SEMA3D: variants seen among roughly 807,000 people sequenced by gnomAD.
The protein encoded by SEMA3D is semaphorin 3D, also known as semaphorin-3D.
Under a neutral mutation model 100.1 loss-of-function variants are expected in SEMA3D, and 84 were observed. The observed-to-expected ratio is 0.84, with a 90% CI of 0.70 to 1.01. The LOEUF (loss-of-function observed/expected upper bound fraction) is 1.01, where lower values mean the gene tolerates loss of function less well. Ranked by LOEUF, SEMA3D falls within the 50% of genes least tolerant of loss-of-function variation. The probability of loss-of-function intolerance (pLI) is 0.00; values close to 1 mark genes in which losing one functional copy is unlikely to be tolerated. For synonymous variants in SEMA3D, 312 were observed against 320.7 expected (o/e 0.97, Z 0.29); for missense variants, 875 against 934.1 (o/e 0.94, Z 0.82).
At chr7:85,028,364 G>A (rs1790449487) in intron 12 of SEMA3D, 3 of 546,170 alleles carry the variant, frequency 5.5e-6, no homozygotes, top group Non-Finnish European at 9.7e-6. Flanking sequence ...AATTGTCGCT[G>A]CTATTGCTTA....
At chr7:85,233,206 AG>A in the SEMA3D span, among the ~76,000 whole-genome samples, 1 of 152,156 alleles carries the variant, frequency 6.6e-6, no homozygotes, top group African/African-American at 2.4e-5. Context: ...CTTCAATGCC[AG>A]GTGAAATGGT....
Position 85,108,183 on chromosome 7 carries a change from G to A in SEMA3D, c.152-10218C>T, listed in dbSNP as rs924210443. ...ATTTTGTCCCTTAAAAACACTAGAA[G>A]CCCTTGAAGATAAAAATAATGTCTA... On this transcript the variant is annotated intron_variant, in intron 3 of 18. Coordinates refer to ENST00000284136, the MANE Select transcript of SEMA3D (RefSeq NM_001384900.1). Among the ~76,000 whole-genome samples the A allele has an allele frequency of 2.6e-5, 4 of 152,022 alleles. 1 individual carries two copies. Among genetic ancestry groups the A allele is most frequent in the African/African-American group, 9.6e-5 (4 of 41,518 alleles).
intron 11 of SEMA3D, among the ~76,000 whole-genome samples, chr7:85,039,969 CTTTT>C (rs776990536): frequency 2.2e-5 from 2 of 90,628 alleles, no homozygotes; most frequent in East Asian, 3.0e-4. Flanking sequence ...TACGCAAACA[CTTTT>C]TTTTTTTTTT....
rs146009160 is a variant in SEMA3D at position 85,040,730 on chromosome 7, A to G, written c.989T>C (p.Leu330Ser). ...ATTTCTTTCATCTCTTGTGGGGAGT[A>G]AATAAATATCTTCTATTAAAGGGGA... ...TYFDELQDIY[L>S]LPTRDERNPV... The change falls in exon 11 of 19, where the codon TTA becomes TCA. Residue 330 changes from leucine (L) to serine (S), a missense_variant. Transcript: ENST00000284136. 54 of 1,388,898 alleles carry G rather than the reference A, an allele frequency of 3.9e-5. No homozygotes were observed. The African/African-American group carries it at 7.1e-4, about 18-fold the overall frequency. 86.0% of individuals were successfully genotyped at this position (1,388,898 alleles called of 1,614,324 possible). A position where few individuals can be genotyped will look rare whatever the true frequency, so the allele number is the denominator to read the frequency against.
the SEMA3D span, among the ~76,000 whole-genome samples, chr7:85,203,067 G>A: frequency 2.0e-5 from 3 of 152,232 alleles, no homozygotes; most frequent in African/African-American, 7.2e-5. Context: ...GTTGGAAGTA[G>A]ATGATTTGTC....
chr7:85,054,051 G>A (rs1002979147), intron 9 of SEMA3D, among the ~76,000 whole-genome samples: 1 of 151,618 alleles, frequency 6.6e-6, no homozygotes, highest in African/African-American at 2.4e-5. Flanking sequence ...TTAGAGAATA[G>A]GTTATAATTT....
At chr7:85,240,017 C>T in the SEMA3D span, among the ~76,000 whole-genome samples, 8 of 151,948 alleles carry the variant, frequency 5.3e-5, no homozygotes. Flanking sequence ...TTTTCTTATC[C>T]TATTTGATTA....
At chr7:85,222,285 T>C in the SEMA3D span, among the ~76,000 whole-genome samples, 2 of 148,292 alleles carry the variant, frequency 1.3e-5, no homozygotes, top group African/African-American at 5.3e-5. Flanking sequence ...ATTTTGCATT[T>C]AAATTTCAAA....
intron 9 of SEMA3D, among the ~76,000 whole-genome samples, 174 bp downstream of exon 9, chr7:85,055,542 AT>A (rs1412686815): frequency 4.7e-5 from 7 of 147,772 alleles, no homozygotes; most frequent in Non-Finnish European, 7.5e-5. Flanking sequence ...TATTTTTTAC[AT>A]TTGGATCTCA....
intron 12 of SEMA3D, among the ~76,000 whole-genome samples, chr7:85,030,146 T>C (rs1440647788): frequency 6.6e-6 from 1 of 151,862 alleles, no homozygotes; most frequent in Admixed American, 6.6e-5. Flanking sequence ...TGTTTCAAAT[T>C]TTTGAACCAA....
intron 4 of SEMA3D, among the ~76,000 whole-genome samples, chr7:85,088,902 G>A (rs1278388299): frequency 3.3e-5 from 5 of 151,998 alleles, no homozygotes; most frequent in Non-Finnish European, 5.9e-5. Context: ...CCCTTTTCCC[G>A]ACTCAGCTCA....
the SEMA3D span, among the ~76,000 whole-genome samples, chr7:85,213,959 A>G: frequency 2.0e-5 from 3 of 152,270 alleles, no homozygotes; most frequent in South Asian, 6.2e-4. Context: ...AGCATCATTG[A>G]AAACATGTGC....
the SEMA3D span, among the ~76,000 whole-genome samples, chr7:85,192,356 C>A: frequency 6.6e-6 from 1 of 151,788 alleles, no homozygotes; most frequent in Non-Finnish European, 1.5e-5. Flanking sequence ...ATAATAATAA[C>A]TATTATTATT....
the SEMA3D span, among the ~76,000 whole-genome samples, chr7:85,247,912 A>G: frequency 6.6e-6 from 1 of 152,304 alleles, no homozygotes; most frequent in Non-Finnish European, 1.5e-5. Flanking sequence ...ATAGGCATAA[A>G]GGTAAAACCA....
chr7:85,169,948 T>C (rs1439116829), intron 1 of SEMA3D, among the ~76,000 whole-genome samples: 1 of 151,704 alleles, frequency 6.6e-6, no homozygotes, highest in East Asian at 1.9e-4. Context: ...GAATGTGTGT[T>C]TGTGAATGTG....
chr7:85,162,563 T>C (rs576190530), intron 1 of SEMA3D, among the ~76,000 whole-genome samples: 1 of 152,058 alleles, frequency 6.6e-6, no homozygotes, highest in Non-Finnish European at 1.5e-5. Context: ...CATGCCACAG[T>C]GAAAAAAAGC....
chr7:85,205,161 T>G, the SEMA3D span, among the ~76,000 whole-genome samples: 2 of 152,152 alleles, frequency 1.3e-5, no homozygotes, highest in Middle Eastern at 3.2e-3. Context: ...TTGACGTGTT[T>G]GAGTTCCTTG....
chr7:85,159,056 C>T (rs78590417), intron 1 of SEMA3D, among the ~76,000 whole-genome samples: 6,666 of 152,128 alleles, frequency 0.044, 465 homozygotes, highest in African/African-American at 0.15. Flanking sequence ...ACTGGTGGGA[C>T]CCAACACCTT....
intron 2 of SEMA3D, chr7:85,144,565 A>T: frequency 2.0e-6 from 2 of 985,120 alleles, no homozygotes; most frequent in Non-Finnish European, 2.4e-6. Flanking sequence ...TCTCACAACC[A>T]TCAGGATTTC....
Sources: allele counts gnomAD v4.1 joint callset (sites outside exome capture counted in the v4.1 genomes callset), GRCh38; gene constraint gnomAD v4.1.1; transcripts MANE v1.5; gene names NCBI Gene and HGNC (gene_info 2026-07-23, HGNC 2026-07-21).